CPSF7: variants seen among roughly 807,000 people sequenced by gnomAD.
CPSF7 encodes cleavage and polyadenylation specificity factor subunit 7.
Under a neutral mutation model 44.3 loss-of-function variants are expected in CPSF7, and 1 was observed. The observed-to-expected ratio is 0.02, with a 90% CI of 0.01 to 0.11. The LOEUF is 0.11. Ranked by LOEUF, CPSF7 falls within the 10% of genes least tolerant of loss-of-function variation. The pLI is 1.00. For synonymous variants in CPSF7, 202 were observed against 222.0 expected, an observed-to-expected ratio of 0.91 and a Z score of 0.80; for missense variants, 443 against 607.2, an observed-to-expected ratio of 0.73 and a Z score of 2.84.
intron 4 of CPSF7, 91 bp downstream of exon 4, chr11:61,420,379 G>A: frequency 1.7e-6 from 2 of 1,156,154 alleles, no homozygotes; most frequent in East Asian, 2.3e-5. Flanking sequence ...GCCAGGGGTG[G>A]GAGTGATTAA....
intron 2 of CPSF7, among the ~76,000 whole-genome samples, chr11:61,424,344 G>A (rs1861162126): frequency 1.3e-5 from 2 of 152,186 alleles, no homozygotes; most frequent in Non-Finnish European, 2.9e-5. Context: ...TTCTATTCAT[G>A]TACCAGGTAT....
intron 5 of CPSF7, among the ~76,000 whole-genome samples, chr11:61,417,403 T>A (rs1860439042): frequency 6.6e-6 from 1 of 152,224 alleles, no homozygotes; most frequent in Non-Finnish European, 1.5e-5. Context: ...AGTCACTTGG[T>A]TAAACTTGTT....
chr11:61,415,649 G>C lies in CPSF7; in HGVS notation c.1057+17C>G, dbSNP rs773669592. ...TAAAGGTTAAGGAGAAGGCAGCAAA[G>C]GTAAGCACTGAGTTACCTGCACTGG... On this transcript the variant is annotated intron_variant, in intron 7 of 9. Transcript: ENST00000439958. 4 of 1,507,920 alleles carry C rather than the reference G, an allele frequency of 2.7e-6. No individual in the cohort carries two copies. In the African/African-American group the frequency reaches 5.5e-5, roughly 21 times the overall value. The allele number at this position is 1,507,920 out of a possible 1,614,324, so 93.4% of individuals were successfully genotyped here.
chr11:61,427,470 T>G (rs1590745019), intron 2 of CPSF7: 1 of 151,804 alleles, frequency 6.6e-6, no homozygotes, highest in Admixed American at 6.6e-5. Context: ...CTGGCCAACA[T>G]GGTGAAACCC....
At chr11:61,409,289 T>C (rs1223559015) in intron 9 of CPSF7, among the ~76,000 whole-genome samples, 4 of 151,810 alleles carry the variant, frequency 2.6e-5, no homozygotes, top group African/African-American at 9.7e-5. Context: ...CTGGCCGAGA[T>C]GATGAAACCC....
At position 61,403,581 on chromosome 11, in the gene CPSF7, A is replaced by G. The variant is rs1859061199; in HGVS notation, c.*1129T>C. 6.6e-6 allele frequency: 1 copy of G among 152,216 alleles called. No homozygotes were observed. Among genetic ancestry groups the G allele is most frequent in the Non-Finnish European group, 1.5e-5 (1 of 68,042 alleles). 9.4% of individuals were successfully genotyped at this position (152,216 alleles called of 1,614,324 possible). A position where few individuals can be genotyped will look rare whatever the true frequency, so the allele number is the denominator to read the frequency against. ...GAGTGAGAGGAGCTATTAAGTCAAC[A>G]GTCAAAAGGTGAAAAGACACCAAAT... On this transcript the variant is annotated 3_prime_UTR_variant, in exon 10 of 10. Coordinates refer to ENST00000439958, the MANE Select transcript of CPSF7 (RefSeq NM_001142565.3).
intron 8 of CPSF7, 54 bp from the exon 9 acceptor site, chr11:61,411,159 G>C: frequency 3.3e-6 from 5 of 1,529,336 alleles, no homozygotes; most frequent in Middle Eastern, 1.8e-4. Context: ...TTCTTTCCAA[G>C]AATGTGGTGT....
rs991930675 is a variant in CPSF7, at chr11:61,403,647, A to G, written c.*1063T>C. Reference sequence around the variant, plus strand: ...CCTACTAGTGCCAGGTTATCCCACAATAAGTAAAAGTATGTACCTGGGGGA... The same window carrying G: ...CCTACTAGTGCCAGGTTATCCCACAGTAAGTAAAAGTATGTACCTGGGGGA... On this transcript the variant is annotated 3_prime_UTR_variant, in exon 10 of 10. Transcript: ENST00000439958. The G allele has an allele frequency of 6.6e-6, 1 of 152,224 alleles. No individual in the cohort carries two copies. Among genetic ancestry groups the G allele is most frequent in the African/African-American group, 2.4e-5 (1 of 41,454 alleles). 9.4% of individuals were successfully genotyped at this position (152,224 alleles called of 1,614,324 possible).
rs955091160 is a variant in CPSF7 at position 61,413,755 on chromosome 11, A to G, written c.1058-1818T>C. Reference sequence around the variant, plus strand: ...CGGGTACCTACACTTTGCTTTTCCAAGCTAAGTCAAGAGCATTAAGGACAA... The same window carrying G: ...CGGGTACCTACACTTTGCTTTTCCAGGCTAAGTCAAGAGCATTAAGGACAA... On this transcript the variant is annotated intron_variant, in intron 7 of 9. Coordinates refer to ENST00000439958, the MANE Select transcript of CPSF7 (RefSeq NM_001142565.3). Among the ~76,000 whole-genome samples, 12 of 152,296 alleles carry G rather than the reference A, an allele frequency of 7.9e-5. No individual in the cohort carries two copies. In the South Asian group the frequency reaches 1.4e-3, roughly 18 times the overall value.
At chr11:61,410,887 C>CT in intron 9 of CPSF7, 51 bp downstream of exon 9, 3 of 1,509,966 alleles carry the variant, frequency 2.0e-6, no homozygotes, top group South Asian at 2.6e-5. Flanking sequence ...CACTATAAAT[C>CT]TTTTTTTAAT....
chr11:61,408,183 A>T (rs550239961), intron 9 of CPSF7, among the ~76,000 whole-genome samples: 7 of 151,504 alleles, frequency 4.6e-5, no homozygotes, highest in African/African-American at 1.7e-4. Context: ...CAGCCTCCTG[A>T]GTAGCTGGGA....
rs1188485832 is a variant in CPSF7 at position 61,429,451 on chromosome 11, G to C, written c.-55-161C>G. ...CGCCCCCGGCCTCGCGCCGCCCACC[G>C]CTCTCCCAGGCCGCCGGGGGTCGCT... On this transcript the variant is annotated intron_variant, in intron 1 of 9. Transcript: ENST00000439958. The C allele has an allele frequency of 2.7e-5, 14 of 516,258 alleles. No individual in the cohort carries two copies. The East Asian group carries it at 4.6e-4, about 17-fold the overall frequency. The allele number at this position is 516,258 out of a possible 1,614,324, so 32.0% of individuals were successfully genotyped here. A position where few individuals can be genotyped will look rare whatever the true frequency, so the allele number is the denominator to read the frequency against.
chr11:61,414,656 T>C (rs1860151636), intron 7 of CPSF7, among the ~76,000 whole-genome samples: 1 of 152,228 alleles, frequency 6.6e-6, no homozygotes. Flanking sequence ...TACATTCATG[T>C]AGGAAACTCA....
At chr11:61,426,164 A>C (rs898876723) in intron 2 of CPSF7, among the ~76,000 whole-genome samples, 2 of 152,232 alleles carry the variant, frequency 1.3e-5, no homozygotes, top group Non-Finnish European at 2.9e-5. Flanking sequence ...TCTAGGAAAA[A>C]TATTAATTTT....
chr11:61,417,626 TTC>T (rs757889796), intron 5 of CPSF7, among the ~76,000 whole-genome samples: 40 of 152,336 alleles, frequency 2.6e-4, no homozygotes, highest in Non-Finnish European at 4.9e-4. Context: ...CCACCTAGAT[TTC>T]TCTTACAGAA....
In CPSF7 at chr11:61,416,234, A is replaced by G; in HGVS notation, c.809T>C (p.Val270Ala). 1 of 1,533,294 alleles carries G rather than the reference A, an allele frequency of 6.5e-7. No homozygotes were observed. The highest frequency in any genetic ancestry group is 8.8e-7 in the Non-Finnish European group (1 of 1,142,052). 95.0% of individuals were successfully genotyped at this position (1,533,294 alleles called of 1,614,324 possible). The stretch of plus-strand genomic sequence containing the variant: ...AGGTGGGATGGCCCCAGGGGGAGGT[A>G]CAGCAAGATGAGGAGGTAATCGAGG... ...PPPRLPPHLA[V>A]PPPGAIPPAL... Residue 270 changes from valine to alanine, a missense_variant, in exon 6 of 10, where the codon GTA becomes GCA. By Grantham distance (64) the Val-to-Ala change is moderately conservative. Coordinates refer to ENST00000439958, the MANE Select transcript of CPSF7 (RefSeq NM_001142565.3).
intron 9 of CPSF7, among the ~76,000 whole-genome samples, chr11:61,408,306 A>G (rs1859517614): frequency 6.6e-6 from 1 of 151,814 alleles, no homozygotes. Context: ...ACGGGGTTTC[A>G]CCATGTTAGC....
At chr11:61,420,380 G>T in intron 4 of CPSF7, 90 bp downstream of exon 4, 1 of 1,166,476 alleles carries the variant, frequency 8.6e-7, no homozygotes, top group Non-Finnish European at 1.3e-6. Context: ...CCAGGGGTGG[G>T]AGTGATTAAA....
At chr11:61,409,134 G>A (rs1449980574) in intron 9 of CPSF7, among the ~76,000 whole-genome samples, 1 of 151,120 alleles carries the variant, frequency 6.6e-6, no homozygotes, top group East Asian at 2.0e-4. Context: ...GACAGAGTGA[G>A]ACAATGTGTC....
Sources: allele counts gnomAD v4.1 joint callset (sites outside exome capture counted in the v4.1 genomes callset), GRCh38; gene constraint gnomAD v4.1.1; transcripts MANE v1.5; gene names NCBI Gene and HGNC (gene_info 2026-07-23, HGNC 2026-07-21).